AGPS: variants seen among roughly 807,000 people sequenced by gnomAD.
The protein encoded by AGPS is alkylglycerone phosphate synthase.
AGPS carries 26 observed loss-of-function variants against 90.7 expected under a neutral mutation model. The ratio of observed to expected loss-of-function variants is 0.29; its 90% CI spans 0.21 to 0.40. The LOEUF (loss-of-function observed/expected upper bound fraction) is 0.40. AGPS is among the 10% of genes least tolerant of loss of function. The pLI is 1.00. For missense variants in AGPS, 540 were observed against 816.1 expected (o/e 0.66, Z 4.12); for synonymous variants, 294 against 285.3 (o/e 1.03, Z -0.31).
chr2:177,523,862 C>A, intron 19 of AGPS, 57 bp downstream of exon 19: 2 of 1,383,760 alleles, frequency 1.4e-6, no homozygotes, highest in Non-Finnish European at 2.1e-6. Context: ...ATATTCAGTT[C>A]AGTAAAATGC....
At chr2:177,407,283 G>T (rs1435116805) in intron 1 of AGPS, among the ~76,000 whole-genome samples, 4 of 152,168 alleles carry the variant, frequency 2.6e-5, no homozygotes, top group African/African-American at 4.8e-5. Context: ...GGAGTAATAA[G>T]AATAGAGTGC....
intron 19 of AGPS, among the ~76,000 whole-genome samples, chr2:177,526,035 A>G (rs983766814): frequency 6.6e-6 from 1 of 152,192 alleles, no homozygotes; most frequent in Non-Finnish European, 1.5e-5. Context: ...ATAAAATAAT[A>G]GAATTAACCA....
At chr2:177,431,669 C>T (rs1686248563) in intron 2 of AGPS, among the ~76,000 whole-genome samples, 2 of 152,148 alleles carry the variant, frequency 1.3e-5, no homozygotes, top group South Asian at 2.1e-4. Flanking sequence ...GATATCTCTC[C>T]TGCTTTCACG....
In AGPS at chr2:177,412,940, G is replaced by A. The variant is rs151188577; in HGVS notation, c.261-7329G>A. Reference sequence around the variant, plus strand: ...GATCGGGAGTGGCAATGGGTGCCTCGCTGGATCAGGAGCACAGTGGACACC... The same window carrying A: ...GATCGGGAGTGGCAATGGGTGCCTCACTGGATCAGGAGCACAGTGGACACC... On this transcript the variant is annotated intron_variant, in intron 1 of 19. Coordinates refer to ENST00000264167, the MANE Select transcript of AGPS (RefSeq NM_003659.4). Among the ~76,000 whole-genome samples the A allele has an allele frequency of 6.8e-3, 1,038 of 152,264 alleles. 11 individuals are homozygous for A. Among genetic ancestry groups the A allele is most frequent in the African/African-American group, 0.024 (978 of 41,526 alleles).
chr2:177,396,013 T>G (rs1685162151), intron 1 of AGPS, among the ~76,000 whole-genome samples: 1 of 146,198 alleles, frequency 6.8e-6, no homozygotes, highest in Non-Finnish European at 1.5e-5. Context: ...ACAGTGCAGT[T>G]TGATTAGAGC....
intron 8 of AGPS, among the ~76,000 whole-genome samples, chr2:177,455,160 C>T (rs1687074898): frequency 6.6e-6 from 1 of 152,192 alleles, no homozygotes; most frequent in Non-Finnish European, 1.5e-5. Flanking sequence ...GTATTTCACT[C>T]ACTTGCATTT....
chr2:177,398,288 G>C (rs1302690097), intron 1 of AGPS, among the ~76,000 whole-genome samples: 3 of 152,208 alleles, frequency 2.0e-5, no homozygotes, highest in African/African-American at 7.2e-5. Flanking sequence ...TGAGTTCCTA[G>C]CTAGGAATTC....
chr2:177,425,116 A>G (rs1327419099), intron 2 of AGPS, among the ~76,000 whole-genome samples: 3 of 152,084 alleles, frequency 2.0e-5, no homozygotes, highest in Non-Finnish European at 4.4e-5. Flanking sequence ...TTTTGCTGCA[A>G]TTGCTTTTGG....
Position 177,482,086 on chromosome 2 carries a change from C to T in AGPS, c.1133C>T (p.Thr378Ile). Residue 378 changes from threonine to isoleucine, a missense_variant, in exon 11 of 20, where the codon ACA becomes ATA. Transcript: ENST00000264167. The stretch of plus-strand genomic sequence containing the variant: ...ACTCTTGGTGTAATAACAGAAGCTA[C>T]AATAAAAATCAGACCAGTCCCTGAA... ...EGTLGVITEA[T>I]IKIRPVPEYQ... 6.2e-7 allele frequency: 1 copy of T among 1,602,934 alleles called. No homozygotes were observed. Among genetic ancestry groups the T allele is most frequent in the Non-Finnish European group, 8.5e-7 (1 of 1,172,774 alleles).
At chr2:177,402,123 G>A (rs1685349416) in intron 1 of AGPS, among the ~76,000 whole-genome samples, 1 of 152,196 alleles carries the variant, frequency 6.6e-6, no homozygotes, top group Admixed American at 6.5e-5. Flanking sequence ...AAGGTGATAA[G>A]TACTGTAGAA....
At chr2:177,493,005 A>T in intron 11 of AGPS, 143 bp from the exon 12 acceptor site, 2 of 709,800 alleles carry the variant, frequency 2.8e-6, no homozygotes, top group Non-Finnish European at 4.7e-6. Context: ...AAAGTATATG[A>T]AAAGTTAACT....
At chr2:177,413,105 A>G (rs891425472) in intron 1 of AGPS, among the ~76,000 whole-genome samples, 2 of 152,196 alleles carry the variant, frequency 1.3e-5, no homozygotes, top group African/African-American at 4.8e-5. Context: ...GCAAGATTTA[A>G]TAGAGTGAAA....
chr2:177,392,817 G>T lies in AGPS; in HGVS notation c.28G>T (p.Gly10Trp). 6.5e-7 allele frequency: 1 copy of T among 1,541,990 alleles called. No individual in the cohort carries two copies. Among genetic ancestry groups the T allele is most frequent in the East Asian group, 2.4e-5 (1 of 40,860 alleles). Residue 10 changes from glycine (G) to tryptophan (W), a missense_variant, in exon 1 of 20, where the codon GGG (glycine) becomes TGG (tryptophan). Gly to Trp is a radical substitution (Grantham distance 184). This residue lies in a region of AGPS where 135 missense variants were observed against 124.0 expected (regional missense o/e 1.09). Coordinates refer to ENST00000264167, the MANE Select transcript of AGPS (RefSeq NM_003659.4). ...GGCGGAGGCGGCGGCTGCAGCGGGT[G>T]GGACTGGCTTGGGCGCGGGCGCGAG... MAEAAAAAG[G>W]TGLGAGASYG...
chr2:177,471,466 A>G (rs1029931809), intron 10 of AGPS, among the ~76,000 whole-genome samples: 5 of 152,210 alleles, frequency 3.3e-5, no homozygotes, highest in African/African-American at 1.2e-4. Flanking sequence ...CATGATCAGT[A>G]TAATGAAAAA....
chr2:177,435,452 A>G lies in AGPS; in HGVS notation c.441+1035A>G, dbSNP rs1686378119. Among the ~76,000 whole-genome samples, 4 of 152,100 alleles carry G rather than the reference A, an allele frequency of 2.6e-5. No individual in the cohort carries two copies. The South Asian group carries it at 6.2e-4, about 24-fold the overall frequency. ...TTGACATTGATACAATCCACATACT[A>G]TAGTTAGAAATTTCACCAGGTTTTG... On this transcript the variant is annotated intron_variant, in intron 3 of 19. Coordinates refer to ENST00000264167, the MANE Select transcript of AGPS (RefSeq NM_003659.4).
chr2:177,495,828 G>C (rs1688396056), intron 12 of AGPS, among the ~76,000 whole-genome samples: 1 of 148,104 alleles, frequency 6.8e-6, no homozygotes, highest in Non-Finnish European at 1.5e-5. Flanking sequence ...TGAGGCAGGA[G>C]AATTGCTTGA....
intron 10 of AGPS, among the ~76,000 whole-genome samples, chr2:177,470,397 G>A (rs16865293): frequency 0.014 from 2,064 of 152,202 alleles, 47 homozygotes; most frequent in African/African-American, 0.047. Flanking sequence ...TTATAGTAAA[G>A]TAAGCAAAGA....
chr2:177,485,928 A>C (rs896872842), intron 11 of AGPS, among the ~76,000 whole-genome samples: 1 of 151,792 alleles, frequency 6.6e-6, no homozygotes, highest in Admixed American at 6.6e-5. Flanking sequence ...AAAAACAAAC[A>C]AAAAAAACTG....
chr2:177,495,121 G>A (rs1047733093), intron 12 of AGPS, among the ~76,000 whole-genome samples: 6 of 152,040 alleles, frequency 3.9e-5, no homozygotes, highest in African/African-American at 1.4e-4. Flanking sequence ...ATATATCATT[G>A]TGTATATTGA....
Sources: allele counts gnomAD v4.1 joint callset (sites outside exome capture counted in the v4.1 genomes callset), GRCh38; gene constraint gnomAD v4.1.1; regional missense constraint gnomAD v4.1.1; transcripts MANE v1.5; gene names NCBI Gene and HGNC (gene_info 2026-07-23, HGNC 2026-07-21).